The following KLHL7 variants were observed in gnomAD, a reference collection of about 807,000 sequenced individuals.
KLHL7 encodes the protein kelch-like protein 7.
In KLHL7, 44 loss-of-function variants were observed where a neutral mutation model predicts 67.4. That is an observed-to-expected ratio of 0.65 (90% CI 0.51 to 0.84). The LOEUF (loss-of-function observed/expected upper bound fraction) is 0.84, where lower values mean the gene tolerates loss of function less well. Ranked by LOEUF, KLHL7 falls within the 40% of genes least tolerant of loss-of-function variation. The pLI is 0.00. For synonymous variants in KLHL7, 252 were observed against 243.3 expected, an observed-to-expected ratio of 1.04 and a Z score of -0.33; for missense variants, 362 against 718.1, an observed-to-expected ratio of 0.50 and a Z score of 5.67.
In KLHL7 at chr7:23,125,145, G is replaced by T. The variant is rs772378475; in HGVS notation, c.415G>T (p.Glu139Ter). 3 of 1,613,490 alleles carry T rather than the reference G, an allele frequency of 1.9e-6. No homozygotes were observed. The highest frequency in any genetic ancestry group is 3.3e-5 in the Admixed American group (2 of 60,010). The change falls in exon 4 of 11, where the codon GAA becomes TAA. Residue 139 changes from glutamate to a stop codon, truncating the protein, a stop_gained. Coordinates refer to ENST00000339077, the MANE Select transcript of KLHL7 (RefSeq NM_001031710.3). LOFTEE classifies it high-confidence loss of function. ...GAAAATGTGTGTTGATTTTTTGAAAGAACAAGTTGATGCTTCAAATTGTCT... is the reference window on the plus strand; with the variant it reads ...GAAAATGTGTGTTGATTTTTTGAAATAACAAGTTGATGCTTCAAATTGTCT... ...VKKMCVDFLKEQVDASNCLGI... is the reference protein window; with the variant it reads ...VKKMCVDFLK
intron 7 of KLHL7, among the ~76,000 whole-genome samples, chr7:23,157,177 A>G (rs1583716433): frequency 1.3e-5 from 2 of 152,324 alleles, no homozygotes; most frequent in Middle Eastern, 3.4e-3. Flanking sequence ...CAAAAAATTG[A>G]GAGTTTTATA....
chr7:23,123,869 A>G lies in KLHL7; in HGVS notation c.213A>G (p.Leu71=), dbSNP rs1783452383. 3 of 1,605,372 alleles carry G rather than the reference A, an allele frequency of 1.9e-6. No homozygotes were observed. Among genetic ancestry groups the G allele is most frequent in the Non-Finnish European group, 2.6e-6 (3 of 1,172,722 alleles). ...VLAAASHFFN[L]MFTTNMLESK... is the part of the protein sequence containing the mutation. ...CTGCAGCCAGTCATTTTTTTAACTT[A>G]ATGTTCACAAGTAAGTATCTTAAGG... The change falls in exon 2 of 11, where the codon TTA becomes TTG. Residue 71 remains leucine (L), a synonymous_variant. Transcript: ENST00000339077.
At chr7:23,114,979 A>G (rs537197844) in intron 1 of KLHL7, among the ~76,000 whole-genome samples, 62 of 152,360 alleles carry the variant, frequency 4.1e-4, no homozygotes, top group African/African-American at 1.5e-3. Flanking sequence ...AATTAAAATG[A>G]AAGGCAATTG....
Position 23,149,479 on chromosome 7 carries a change from G to A in KLHL7, c.794-2588G>A, listed in dbSNP as rs182363289. Among the ~76,000 whole-genome samples, 16 of 152,248 alleles carry A rather than the reference G, an allele frequency of 1.1e-4. 1 individual carries two copies. The East Asian group carries it at 3.1e-3, about 29-fold the overall frequency. The stretch of plus-strand genomic sequence containing the variant: ...GAATATTGCGTTCATAGACTACACA[G>A]TCCACTTTCAGCCTGTGTGGAACCA... On this transcript the variant is annotated intron_variant, in intron 6 of 10. Transcript: ENST00000339077.
chr7:23,138,576 C>T (rs958138596), intron 4 of KLHL7, among the ~76,000 whole-genome samples: 2 of 148,170 alleles, frequency 1.3e-5, no homozygotes, highest in African/African-American at 5.0e-5. Context: ...CTCACTTTGT[C>T]GCCCCAGCTG....
In KLHL7 at chr7:23,143,836, G is replaced by C; in HGVS notation, c.619-15G>C. The stretch of plus-strand genomic sequence containing the variant: ...TGTCTTCTAAGAACTTTACTGTGCT[G>C]TTTTTCCCCCTTAGGTTTATGATGC... On this transcript the variant is annotated splice_polypyrimidine_tract_variant and intron_variant, in intron 5 of 10. Coordinates refer to ENST00000339077, the MANE Select transcript of KLHL7 (RefSeq NM_001031710.3). The C allele has an allele frequency of 1.9e-6, 3 of 1,613,750 alleles. No homozygotes were observed. Among genetic ancestry groups the C allele is most frequent in the African/African-American group, 1.3e-5 (1 of 75,032 alleles).
intron 6 of KLHL7, among the ~76,000 whole-genome samples, chr7:23,146,553 T>C (rs1784360374): frequency 1.3e-5 from 2 of 152,210 alleles, no homozygotes; most frequent in Non-Finnish European, 2.9e-5. Context: ...GTCTTTTCCT[T>C]TGTGATGTGG....
In KLHL7 at chr7:23,124,779, T is replaced by C. The variant is rs1554286272; in HGVS notation, c.315T>C (p.Ala105=). The change falls in exon 3 of 11, where the codon GCT becomes GCC. Residue 105 remains alanine (A), a splice_region_variant and synonymous_variant. Transcript: ENST00000339077. ...IEQLVEFAYT[A]RISVNSNNVQ... ...AACTGGTGGAATTTGCTTATACTGC[T>C]AGGTGAGTTAAGTATTATTTTTATT... The C allele has an allele frequency of 6.4e-7, 1 of 1,569,518 alleles. No individual in the cohort carries two copies. Among genetic ancestry groups the C allele is most frequent in the African/African-American group, 1.3e-5 (1 of 74,162 alleles).
At chr7:23,156,717 C>G (rs976892365) in intron 7 of KLHL7, among the ~76,000 whole-genome samples, 1 of 152,174 alleles carries the variant, frequency 6.6e-6, no homozygotes, top group Non-Finnish European at 1.5e-5. Flanking sequence ...AACTATGTGG[C>G]ACCCTATTCA....
At chr7:23,129,337 G>T (rs1486984092) in intron 4 of KLHL7, 9 of 348,256 alleles carry the variant, frequency 2.6e-5, no homozygotes, top group Admixed American at 1.6e-4. Flanking sequence ...ACATAAATTG[G>T]TATGTTAGCC....
intron 2 of KLHL7, among the ~76,000 whole-genome samples, chr7:23,124,100 A>G (rs562071586): frequency 2.1e-5 from 3 of 143,504 alleles, no homozygotes; most frequent in Non-Finnish European, 4.5e-5. Context: ...TACAGCTTCT[A>G]CTTAAAAGCC....
chr7:23,128,353 G>A (rs2128461292), intron 4 of KLHL7, among the ~76,000 whole-genome samples: 1 of 148,002 alleles, frequency 6.8e-6, no homozygotes, highest in East Asian at 2.0e-4. Flanking sequence ...ACTGCAGTGT[G>A]AGGTAGGAGT....
At chr7:23,138,556 T>C (rs1417883005) in intron 4 of KLHL7, among the ~76,000 whole-genome samples, 1 of 149,308 alleles carries the variant, frequency 6.7e-6, no homozygotes, top group African/African-American at 2.5e-5. Flanking sequence ...TTTTTTCTTT[T>C]TGAGACAGTC....
intron 7 of KLHL7, chr7:23,156,025 G>A: frequency 4.3e-6 from 2 of 466,498 alleles, no homozygotes; most frequent in African/African-American, 2.0e-5. Context: ...ACACGAGCCT[G>A]GAAGTGAGAC....
Position 23,143,931 on chromosome 7 carries a change from C to T in KLHL7, c.699C>T (p.Val233=), listed in dbSNP as rs1784272863. The part of the protein sequence containing the change: ...QPFMVDILAK[V]RFPLISKNFL... Reference sequence around the variant, plus strand: ...TTATGGTTGATATCCTTGCTAAAGTCAGGTTTCCTCTTATATCAAAGAATT... The same window carrying T: ...TTATGGTTGATATCCTTGCTAAAGTTAGGTTTCCTCTTATATCAAAGAATT... Residue 233 remains valine, a synonymous_variant, in exon 6 of 11, where the codon GTC becomes GTT. Transcript: ENST00000339077. 6.2e-7 allele frequency: 1 copy of T among 1,613,988 alleles called. No homozygotes were observed. Among genetic ancestry groups the T allele is most frequent in the Non-Finnish European group, 8.5e-7 (1 of 1,179,890 alleles).
At chr7:23,147,076 A>G (rs1323580504) in intron 6 of KLHL7, among the ~76,000 whole-genome samples, 4 of 131,376 alleles carry the variant, frequency 3.0e-5, no homozygotes, top group Admixed American at 7.4e-5. Context: ...CCTTCTATGT[A>G]TTACTTATTA....
At chr7:23,148,293 AGT>A (rs1014323581) in intron 6 of KLHL7, among the ~76,000 whole-genome samples, 19 of 152,086 alleles carry the variant, frequency 1.2e-4, no homozygotes, top group African/African-American at 4.6e-4. Context: ...AAAAAGACTA[AGT>A]GTGTTTGAAC....
At chr7:23,148,335 A>C (rs1024248925) in intron 6 of KLHL7, among the ~76,000 whole-genome samples, 2 of 152,048 alleles carry the variant, frequency 1.3e-5, no homozygotes, top group Non-Finnish European at 2.9e-5. Context: ...GAAAAGGAGA[A>C]GAGATGTGTG....
rs535907908 is a variant in KLHL7, at chr7:23,147,007, G to A, written c.793+2982G>A. Among the ~76,000 whole-genome samples the A allele has an allele frequency of 3.3e-4, 48 of 146,924 alleles. 1 individual carries two copies. Among genetic ancestry groups the A allele is most frequent in the African/African-American group, 1.2e-3 (47 of 40,860 alleles). On this transcript the variant is annotated intron_variant, in intron 6 of 10. Transcript: ENST00000339077. ...ATTTTCTTATGAGTAATTTTCTTATGAGTAATTTTCTTAATTTATTTCAGA... is the reference window on the plus strand; with the variant it reads ...ATTTTCTTATGAGTAATTTTCTTATAAGTAATTTTCTTAATTTATTTCAGA...
Sources: allele counts gnomAD v4.1 joint callset (sites outside exome capture counted in the v4.1 genomes callset), GRCh38; gene constraint gnomAD v4.1.1; transcripts MANE v1.5; gene names NCBI Gene and HGNC (gene_info 2026-07-23, HGNC 2026-07-21).